Variants in URAD observed in about 807,000 individuals in gnomAD.
The protein encoded by URAD is ureidoimidazoline (2-oxo-4-hydroxy-4-carboxy-5-) decarboxylase, also known as putative 2-oxo-4-hydroxy-4-carboxy-5-ureidoimidazoline decarboxylase.
A neutral mutation model predicts 4.6 loss-of-function variants in URAD; 4 were observed. The observed-to-expected ratio is 0.87, with a 90% confidence interval of 0.43 to 1.98. The LOEUF (loss-of-function observed/expected upper bound fraction) is 1.98. Among genes scored for constraint, URAD ranks in the 30% most tolerant of loss-of-function variants. The probability of loss-of-function intolerance (pLI) is 0.03; values close to 1 mark genes in which losing one functional copy is unlikely to be tolerated. For synonymous variants in URAD, 144 were observed against 118.2 expected, an observed-to-expected ratio of 1.22 and a Z score of -1.41; for missense variants, 300 against 255.3, an observed-to-expected ratio of 1.18 and a Z score of -1.19.
chr13:27,986,074 C>A (rs955225), intron 1 of URAD, among the ~76,000 whole-genome samples: 1 of 152,196 alleles, frequency 6.6e-6, no homozygotes, highest in Admixed American at 6.5e-5. Context: ...CGAGAAGCAG[C>A]CTCCACCACA....
intron 1 of URAD, among the ~76,000 whole-genome samples, chr13:27,978,958 G>C (rs1405431219): frequency 6.6e-6 from 1 of 151,748 alleles, no homozygotes; most frequent in Non-Finnish European, 1.5e-5. Flanking sequence ...AATGGGTTTC[G>C]TTCTGCTCCA....
chr13:27,982,346 G>A (rs374929587), intron 1 of URAD, among the ~76,000 whole-genome samples: 16 of 152,226 alleles, frequency 1.1e-4, no homozygotes, highest in South Asian at 6.2e-4. Flanking sequence ...ACTTGAACCC[G>A]GGAGGCGGAG....
At chr13:27,983,494 G>T (rs1176706085) in intron 1 of URAD, among the ~76,000 whole-genome samples, 1 of 152,076 alleles carries the variant, frequency 6.6e-6, no homozygotes, top group East Asian at 1.9e-4. Context: ...CTCCCAAAGT[G>T]CTAGGATTAC....
In URAD at chr13:27,978,328, C is replaced by T. The variant is rs1282015852; in HGVS notation, c.300G>A (p.Glu100=). Residue 100 remains glutamate, a synonymous_variant, in exon 2 of 2, where the codon GAG becomes GAA. Transcript: ENST00000332715. ...CGTTGAGCTCGGCCAGCCGCAGCCGCTCGTCCGCGCCCAGGCTCCTCAGGC... is the reference window on the plus strand; with the variant it reads ...CGTTGAGCTCGGCCAGCCGCAGCCGTTCGTCCGCGCCCAGGCTCCTCAGGC... ...GAGLRSLGAD[E]RLRLAELNAQ... 3.6e-6 allele frequency: 5 copies of T among 1,394,258 alleles called. No individual in the cohort carries two copies. In the South Asian group the frequency reaches 6.3e-5, roughly 18 times the overall value. The allele number at this position is 1,394,258 out of a possible 1,614,324, so 86.4% of individuals were successfully genotyped here.
Position 27,988,542 on chromosome 13 carries a change from A to G in URAD, c.96T>C (p.Val32=). 2 of 1,613,948 alleles carry G rather than the reference A, an allele frequency of 1.2e-6. No homozygotes were observed. The highest frequency in any genetic ancestry group is 1.7e-6 in the Non-Finnish European group (2 of 1,179,868). The change falls in exon 1 of 2, where the codon GTT becomes GTC. Residue 32 remains valine, a synonymous_variant. Coordinates refer to ENST00000332715, the MANE Select transcript of URAD (RefSeq NM_001105577.2). ...AATCAGAGAATGGCCGCTGGGACCAAACAGCAGCTGCAATCAGAGGACATC... is the reference window on the plus strand; with the variant it reads ...AATCAGAGAATGGCCGCTGGGACCAGACAGCAGCTGCAATCAGAGGACATC... The part of the protein sequence containing the change: ...TERCPLIAAA[V]WSQRPFSDLE...
intron 1 of URAD, among the ~76,000 whole-genome samples, chr13:27,981,519 A>C (rs1455101026): frequency 1.3e-5 from 2 of 152,312 alleles, no homozygotes; most frequent in East Asian, 3.9e-4. Context: ...TGCCGGGACC[A>C]CAGGACCTGA....
chr13:27,984,136 C>T (rs1402116970), intron 1 of URAD, among the ~76,000 whole-genome samples: 1 of 152,164 alleles, frequency 6.6e-6, no homozygotes, highest in Admixed American at 6.6e-5. Flanking sequence ...CAGCCTCAAC[C>T]TTCTGGGCTC....
chr13:27,983,855 G>C (rs779788013), intron 1 of URAD, among the ~76,000 whole-genome samples: 36 of 152,150 alleles, frequency 2.4e-4, no homozygotes, highest in Non-Finnish European at 5.0e-4. Context: ...TTGGTAAGGA[G>C]TGTTTCATTT....
At chr13:27,986,044 C>T (rs537862988) in intron 1 of URAD, among the ~76,000 whole-genome samples, 21 of 152,288 alleles carry the variant, frequency 1.4e-4, no homozygotes, top group African/African-American at 5.1e-4. Flanking sequence ...CTCCCAGCTG[C>T]TCCCAGACAA....
intron 1 of URAD, among the ~76,000 whole-genome samples, chr13:27,984,533 G>C (rs551169844): frequency 1.3e-5 from 2 of 152,290 alleles, no homozygotes; most frequent in East Asian, 3.9e-4. Context: ...GTTAATGGTG[G>C]AGGTTTTTCT....
In URAD at chr13:27,978,229, G is replaced by A; in HGVS notation, c.399C>T (p.Arg133=). ...ARFSDRTAVP[R]ELARRLLCPS... ...GGCAGAGCAGCCGGCGCGCCAGCTC[G>A]CGCGGCACCGCCGTCCGGTCGCTGA... The change falls in exon 2 of 2, where the codon CGC becomes CGT. Residue 133 remains arginine (R), a synonymous_variant. Transcript: ENST00000332715. 6.8e-7 allele frequency: 1 copy of A among 1,466,598 alleles called. No homozygotes were observed. The highest frequency in any genetic ancestry group is 8.9e-7 in the Non-Finnish European group (1 of 1,118,852). 90.8% of individuals were successfully genotyped at this position (1,466,598 alleles called of 1,614,324 possible). A position where few individuals can be genotyped will look rare whatever the true frequency, so the allele number is the denominator to read the frequency against.
chr13:27,978,395 C>T lies in URAD; in HGVS notation c.233G>A (p.Gly78Asp), dbSNP rs1370660413. Residue 78 changes from glycine to aspartate, a missense_variant, in exon 2 of 2, where the codon GGC becomes GAC. Gly to Asp is a moderately conservative substitution (Grantham distance 94). Transcript: ENST00000332715. ...CCGCTGCGACTCGGCCGTGAGCGTG[C>T]CCCGCTGCAGCTCGCTGCCCGCCAG... ...PDLAGSELQR[G>D]TLTAESQREQ... 1.0e-5 allele frequency: 14 copies of T among 1,399,246 alleles called. No individual in the cohort carries two copies. The highest frequency in any genetic ancestry group is 3.1e-5 in the Admixed American group (1 of 32,044). 86.7% of individuals were successfully genotyped at this position (1,399,246 alleles called of 1,614,324 possible).
intron 1 of URAD, among the ~76,000 whole-genome samples, chr13:27,982,610 T>G (rs190282702): frequency 1.3e-5 from 2 of 152,322 alleles, no homozygotes; most frequent in African/African-American, 4.8e-5. Flanking sequence ...CATTCTTTGA[T>G]GACAGCAAGA....
At chr13:27,986,649 C>T (rs563062035) in intron 1 of URAD, among the ~76,000 whole-genome samples, 7 of 152,332 alleles carry the variant, frequency 4.6e-5, no homozygotes, top group African/African-American at 1.4e-4. Context: ...TCTCTCAACA[C>T]GCTCCCTCCT....
chr13:27,982,020 A>G (rs917047089), intron 1 of URAD, among the ~76,000 whole-genome samples: 1 of 152,010 alleles, frequency 6.6e-6, no homozygotes, highest in Admixed American at 6.5e-5. Flanking sequence ...GAGCCACTGT[A>G]CCAACTGATC....
intron 1 of URAD, among the ~76,000 whole-genome samples, chr13:27,986,282 G>C (rs1371249206): frequency 6.6e-6 from 1 of 152,190 alleles, no homozygotes; most frequent in East Asian, 1.9e-4. Flanking sequence ...AGCAAACTTT[G>C]ATTAAGTCCC....
chr13:27,988,628 C>T lies in URAD; in HGVS notation c.10G>A (p.Glu4Lys). The T allele has an allele frequency of 6.2e-7, 1 of 1,605,566 alleles. No individual in the cohort carries two copies. The highest frequency in any genetic ancestry group is 8.5e-7 in the Non-Finnish European group (1 of 1,175,690). Residue 4 changes from glutamate (E) to lysine (K), a missense_variant, in exon 1 of 2, where the codon GAG becomes AAG. Physicochemically the swap from Glu to Lys is moderately conservative, Grantham distance 56. Transcript: ENST00000332715. ...CCAAGGTCCATGGAGTTGACCTTCT[C>T]AATGTCCATTCCTTGTATTCCACTG... is the stretch of plus-strand genomic sequence containing the variant. MDIEKVNSMDLGEF... is the reference protein window; with the variant it reads MDIKKVNSMDLGEF...
At chr13:27,986,696 A>G (rs1187669611) in intron 1 of URAD, among the ~76,000 whole-genome samples, 1 of 148,944 alleles carries the variant, frequency 6.7e-6, no homozygotes, top group Non-Finnish European at 1.5e-5. Flanking sequence ...AGACAATCAA[A>G]GGATATGCCT....
chr13:27,982,059 C>A (rs532131407), intron 1 of URAD, among the ~76,000 whole-genome samples: 71 of 152,276 alleles, frequency 4.7e-4, no homozygotes, highest in African/African-American at 1.7e-3. Context: ...CTTGCCTGAG[C>A]CCAAAGACCA....
Sources: allele counts gnomAD v4.1 joint callset (sites outside exome capture counted in the v4.1 genomes callset), GRCh38; gene constraint gnomAD v4.1.1; transcripts MANE v1.5; gene names NCBI Gene and HGNC (gene_info 2026-07-23, HGNC 2026-07-21).